The following CCN5 variants were observed in gnomAD, a reference collection of about 807,000 sequenced individuals.
CCN5 encodes the protein cellular communication network factor 5.
Under a neutral mutation model 18.7 loss-of-function variants are expected in CCN5, and 17 were observed. The ratio of observed to expected loss-of-function variants is 0.91; its 90% CI spans 0.62 to 1.36. The LOEUF is 1.36. Ranked by LOEUF, CCN5 falls within the 40% of genes most tolerant of loss-of-function variation. CCN5 has a pLI of 0.00. For missense variants in CCN5, 367 were observed against 342.9 expected (o/e 1.07, Z -0.56); for synonymous variants, 135 against 145.2 (o/e 0.93, Z 0.50).
intron 1 of CCN5, among the ~76,000 whole-genome samples, chr20:44,718,540 C>T (rs192432470): frequency 1.3e-5 from 2 of 152,146 alleles, no homozygotes; most frequent in Non-Finnish European, 2.9e-5. Context: ...AGGGAGCTCA[C>T]GGCACCTGCT....
rs2065944471 is a variant in CCN5 at position 44,727,397 on chromosome 20, C to T, written c.*90C>T. 3 of 1,465,926 alleles carry T rather than the reference C, an allele frequency of 2.0e-6. No homozygotes were observed. Among genetic ancestry groups the T allele is most frequent in the Non-Finnish European group, 9.1e-7 (1 of 1,104,788 alleles). 90.8% of individuals were successfully genotyped at this position (1,465,926 alleles called of 1,614,324 possible). Reference sequence around the variant, plus strand: ...TGGGCTGATGGAAGATGGTCCGTGCCCAGGCCCTTGGCTGCAGGCAACACT... The same window carrying T: ...TGGGCTGATGGAAGATGGTCCGTGCTCAGGCCCTTGGCTGCAGGCAACACT... On this transcript the variant is annotated 3_prime_UTR_variant, in exon 4 of 4. Coordinates refer to ENST00000190983, the MANE Select transcript of CCN5 (RefSeq NM_003881.4).
At chr20:44,720,258 T>G in intron 2 of CCN5, 145 bp downstream of exon 2, 1 of 886,962 alleles carries the variant, frequency 1.1e-6, no homozygotes, top group Non-Finnish European at 1.7e-6. Context: ...GAACTTGGTG[T>G]CCCAAAGCCC....
Position 44,727,528 on chromosome 20 carries a change from T to C in CCN5, c.*221T>C. ...AAGACCTAGTCCCCTTTCCTCTAAC[T>C]CACTGCCTAGGAGGCTGGCCAAGGT... On this transcript the variant is annotated 3_prime_UTR_variant, in exon 4 of 4. Coordinates refer to ENST00000190983, the MANE Select transcript of CCN5 (RefSeq NM_003881.4). The C allele has an allele frequency of 7.2e-7, 1 of 1,387,740 alleles. No homozygotes were observed. 86.0% of individuals were successfully genotyped at this position (1,387,740 alleles called of 1,614,324 possible).
At chr20:44,716,343 A>G (rs1218120948) in intron 1 of CCN5, among the ~76,000 whole-genome samples, 2 of 152,194 alleles carry the variant, frequency 1.3e-5, no homozygotes, top group African/African-American at 4.8e-5. Context: ...CGGCCCCACC[A>G]CAAGCCACGA....
In CCN5 at chr20:44,727,074, C is replaced by A. The variant is rs1048588969; in HGVS notation, c.533-13C>A. The A allele has an allele frequency of 5.1e-6, 8 of 1,562,086 alleles. No homozygotes were observed. The highest frequency in any genetic ancestry group is 2.3e-5 in the East Asian group (1 of 43,910). On this transcript the variant is annotated splice_polypyrimidine_tract_variant and intron_variant, in intron 3 of 3. Transcript: ENST00000190983. ...TGGCTGCTCAGTGCTAACTCTTGTT[C>A]TTTCCCCCCTAGGACCCCAGTTTTC...
At chr20:44,722,723 C>T (rs573537124) in intron 2 of CCN5, among the ~76,000 whole-genome samples, 2 of 152,216 alleles carry the variant, frequency 1.3e-5, no homozygotes, top group East Asian at 1.9e-4. Context: ...ATCCACCCGC[C>T]TCGGCCTCCC....
chr20:44,718,309 G>A (rs1380930383), intron 1 of CCN5, among the ~76,000 whole-genome samples: 1 of 152,202 alleles, frequency 6.6e-6, no homozygotes, highest in Non-Finnish European at 1.5e-5. Context: ...GCGGGGCAGA[G>A]GGTGAGGCAG....
Position 44,720,296 on chromosome 20 carries a change from G to T in CCN5, c.277+183G>T, listed in dbSNP as rs1435374337. ...TCCCCACTCCCTCCTCTCCCTTCTT[G>T]GCCTCTGCTTAAACCATCTCACTAC... On this transcript the variant is annotated intron_variant, in intron 2 of 3. Transcript: ENST00000190983. The T allele has an allele frequency of 7.5e-6, 5 of 663,076 alleles. No homozygotes were observed. In the South Asian group the frequency reaches 9.3e-5, roughly 12 times the overall value. The allele number at this position is 663,076 out of a possible 1,614,324, so 41.1% of individuals were successfully genotyped here. A position where few individuals can be genotyped will look rare whatever the true frequency, so the allele number is the denominator to read the frequency against.
At chr20:44,718,159 G>T (rs552301596) in intron 1 of CCN5, among the ~76,000 whole-genome samples, 1 of 152,304 alleles carries the variant, frequency 6.6e-6, no homozygotes, top group Non-Finnish European at 1.5e-5. Context: ...TGCTGTCTCA[G>T]TGGGGGCTGT....
upstream of CCN5, chr20:44,715,254 TGTGTGTGAGCGCGCGCGCGCGCGCGC>T: frequency 1.7e-6 from 1 of 581,270 alleles, no homozygotes; most frequent in Non-Finnish European, 3.1e-6. Flanking sequence ...TGTGTGTGTG[TGTGTGTGAGCGCGCGCGCGCGCGCGC>T]GTGTGTACTC....
chr20:44,727,452 A>G lies in CCN5; in HGVS notation c.*145A>G. 1 of 1,439,132 alleles carries G rather than the reference A, an allele frequency of 6.9e-7. No homozygotes were observed. Among genetic ancestry groups the G allele is most frequent in the Non-Finnish European group, 9.2e-7 (1 of 1,091,312 alleles). The allele number at this position is 1,439,132 out of a possible 1,614,324, so 89.1% of individuals were successfully genotyped here. Reference sequence around the variant, plus strand: ...CTTGGGTCCACCATGCAGAACACCAATATTAACACGCTGCCTGGTCTGTCT... The same window carrying G: ...CTTGGGTCCACCATGCAGAACACCAGTATTAACACGCTGCCTGGTCTGTCT... On this transcript the variant is annotated 3_prime_UTR_variant, in exon 4 of 4. Transcript: ENST00000190983.
intron 2 of CCN5, 54 bp from the exon 3 acceptor site, chr20:44,724,684 G>C (rs1182640815): frequency 1.2e-6 from 2 of 1,607,292 alleles, no homozygotes; most frequent in African/African-American, 2.7e-5. Flanking sequence ...GCTCTGCAGA[G>C]AAGGCTGTGC....
intron 3 of CCN5, 36 bp from the exon 4 acceptor site, chr20:44,727,051 G>A (rs1424003537): frequency 5.3e-6 from 8 of 1,496,180 alleles, no homozygotes; most frequent in Non-Finnish European, 7.1e-6. Context: ...CTGAGCCCTG[G>A]CTGCTCAGTG....
Position 44,720,205 on chromosome 20 carries a change from A to C in CCN5, c.277+92A>C, listed in dbSNP as rs975413241. 7.4e-6 allele frequency: 10 copies of C among 1,350,136 alleles called. No homozygotes were observed. In the African/African-American group the frequency reaches 1.5e-4, roughly 20 times the overall value. 83.6% of individuals were successfully genotyped at this position (1,350,136 alleles called of 1,614,324 possible). On this transcript the variant is annotated intron_variant, in intron 2 of 3. Transcript: ENST00000190983. The stretch of plus-strand genomic sequence containing the variant: ...ATCAAAGTGCAGCCCTCCTCTCTCT[A>C]CCTCCTTGGGTGCTCACTTCAGGTA...
chr20:44,715,193 T>C (rs34077853), upstream of CCN5: 31,885 of 579,522 alleles, frequency 0.055, 1,150 homozygotes, highest in Non-Finnish European at 0.063. Flanking sequence ...GCCATGAGGA[T>C]GGGAAGCGAA....
upstream of CCN5, chr20:44,715,159 C>T (rs2065846817): frequency 1.8e-6 from 1 of 552,834 alleles, no homozygotes; most frequent in East Asian, 3.1e-5. Flanking sequence ...GTTTCACCTT[C>T]AGGTAAATGG....
chr20:44,717,477 C>T (rs1032275324), intron 1 of CCN5, among the ~76,000 whole-genome samples: 1 of 152,144 alleles, frequency 6.6e-6, no homozygotes, highest in Non-Finnish European at 1.5e-5. Context: ...TCATTTCTGA[C>T]AGTCCTCCCT....
At position 44,724,795 on chromosome 20, in the gene CCN5, C is replaced by T; in HGVS notation, c.335C>T (p.Thr112Ile). Residue 112 changes from threonine (T) to isoleucine (I), a missense_variant, in exon 3 of 4, where the codon ACC (threonine) becomes ATC (isoleucine). Thr to Ile is a moderately conservative substitution (Grantham distance 89). Transcript: ENST00000190983. ...VNGRLYREGE[T>I]FQPHCSIRCR... is the part of the protein sequence containing the mutation. ...GGCCGCCTGTATCGGGAAGGGGAGA[C>T]CTTCCAGCCCCACTGCAGCATCCGC... is the stretch of plus-strand genomic sequence containing the variant. 6.2e-7 allele frequency: 1 copy of T among 1,612,610 alleles called. No homozygotes were observed. Among genetic ancestry groups the T allele is most frequent in the Non-Finnish European group, 8.5e-7 (1 of 1,179,886 alleles).
chr20:44,724,962 G>A lies in CCN5; in HGVS notation c.502G>A (p.Gly168Arg), dbSNP rs1176519818. The change falls in exon 3 of 4, where the codon GGA (glycine) becomes AGA (arginine). Residue 168 changes from glycine (G) to arginine (R), a missense_variant. By Grantham distance (125) the Gly-to-Arg change is moderately radical (BLOSUM62 -2). Transcript: ENST00000190983. ...TGAGTGGGTGTGCGGCCAAGGAGGG[G>A]GACTGGGGACCCAGCCCCTTCCAGC... is the stretch of plus-strand genomic sequence containing the variant. Reference protein sequence around the residue: ...CPEWVCGQGGGLGTQPLPAQG... With the variant: ...CPEWVCGQGGRLGTQPLPAQG... The A allele has an allele frequency of 1.9e-6, 3 of 1,594,294 alleles. No homozygotes were observed. Among genetic ancestry groups the A allele is most frequent in the African/African-American group, 2.7e-5 (2 of 74,592 alleles).
Sources: gnomAD v4.1 joint callset for allele counts (sites outside exome capture counted in the v4.1 genomes callset) on GRCh38, gnomAD v4.1.1 for gene constraint, MANE v1.5 for transcripts, NCBI Gene and HGNC (gene_info 2026-07-23, HGNC 2026-07-21) for gene names.